MDFIC2: variants seen among roughly 807,000 people sequenced by gnomAD.
MDFIC2 encodes the protein myoD family inhibitor domain-containing protein 2.
At chr3:70,288,438 T>G (rs1431780369) in intron 2 of MDFIC2, among the ~76,000 whole-genome samples, 2 of 151,142 alleles carry the variant, frequency 1.3e-5, no homozygotes, top group African/African-American at 2.4e-5. Context: ...TTGTTATAAT[T>G]TCTGTTCTTT....
chr3:70,224,811 A>G (rs1701488975), intron 2 of MDFIC2, among the ~76,000 whole-genome samples: 1 of 152,036 alleles, frequency 6.6e-6, no homozygotes, highest in African/African-American at 2.4e-5. Context: ...ATATCACTGT[A>G]ATTTTTGCAG....
intron 3 of MDFIC2, among the ~76,000 whole-genome samples, chr3:70,199,698 C>G (rs1323663650): frequency 6.6e-6 from 1 of 152,156 alleles, no homozygotes; most frequent in Non-Finnish European, 1.5e-5. Context: ...AAATTTGCAA[C>G]TGTTTGAAAA....
intron 2 of MDFIC2, among the ~76,000 whole-genome samples, chr3:70,238,395 G>T (rs968835139): frequency 1.3e-5 from 2 of 151,932 alleles, no homozygotes; most frequent in South Asian, 2.1e-4. Flanking sequence ...GATCATTTGA[G>T]CCCAGGAGTT....
At chr3:70,279,876 T>C (rs572008255) in intron 2 of MDFIC2, among the ~76,000 whole-genome samples, 11 of 152,198 alleles carry the variant, frequency 7.2e-5, no homozygotes, top group Non-Finnish European at 1.3e-4. Context: ...TGTCATATCC[T>C]GGTTCTTTGT....
intron 2 of MDFIC2, among the ~76,000 whole-genome samples, chr3:70,220,673 C>T (rs999641209): frequency 2.0e-5 from 3 of 152,056 alleles, no homozygotes; most frequent in South Asian, 2.1e-4. Context: ...TATGAGGAAA[C>T]CTTCAACAAT....
At chr3:70,197,653 C>T (rs1701195332) in intron 3 of MDFIC2, among the ~76,000 whole-genome samples, 1 of 152,190 alleles carries the variant, frequency 6.6e-6, no homozygotes, top group African/African-American at 2.4e-5. Flanking sequence ...CATGGATTCC[C>T]ATAAATCTGC....
At chr3:70,276,998 C>G (rs749846205) in intron 2 of MDFIC2, among the ~76,000 whole-genome samples, 1 of 151,956 alleles carries the variant, frequency 6.6e-6, no homozygotes, top group Admixed American at 6.6e-5. Context: ...TTAAGGAACT[C>G]TTCACACACA....
chr3:70,211,239 C>G (rs1471748067), intron 2 of MDFIC2, among the ~76,000 whole-genome samples: 1 of 147,544 alleles, frequency 6.8e-6, no homozygotes, highest in Non-Finnish European at 1.5e-5. Context: ...TCCCTTTTTC[C>G]TTTTCCTTCC....
intron 2 of MDFIC2, among the ~76,000 whole-genome samples, chr3:70,273,950 C>T (rs1701997741): frequency 1.3e-5 from 2 of 152,014 alleles, no homozygotes; most frequent in South Asian, 4.2e-4. Context: ...GCACACAGCA[C>T]TGCACCCGGC....
intron 2 of MDFIC2, among the ~76,000 whole-genome samples, chr3:70,296,085 A>G (rs1033113287): frequency 1.3e-5 from 2 of 152,224 alleles, no homozygotes; most frequent in Non-Finnish European, 2.9e-5. Flanking sequence ...AATTCATTCA[A>G]TGCAGCAGCA....
At chr3:70,307,777 C>T (rs541067955) in intron 2 of MDFIC2, among the ~76,000 whole-genome samples, 1 of 152,304 alleles carries the variant, frequency 6.6e-6, no homozygotes, top group South Asian at 2.1e-4. Flanking sequence ...CTCAGGCCTC[C>T]AGTGACAACA....
At chr3:70,205,021 A>G (rs1281384155) in intron 3 of MDFIC2, 3 of 152,164 alleles carry the variant, frequency 2.0e-5, no homozygotes, top group Non-Finnish European at 2.9e-5. Context: ...TACCAAAGCT[A>G]GAGACTTGAG....
intron 2 of MDFIC2, among the ~76,000 whole-genome samples, chr3:70,264,821 A>G (rs1334771442): frequency 6.6e-6 from 1 of 152,206 alleles, no homozygotes; most frequent in Non-Finnish European, 1.5e-5. Flanking sequence ...GTGTAGGGAC[A>G]TCGGGGATGT....
At chr3:70,226,831 T>A (rs1046589547) in intron 2 of MDFIC2, among the ~76,000 whole-genome samples, 3 of 151,070 alleles carry the variant, frequency 2.0e-5, no homozygotes, top group Admixed American at 2.0e-4. Flanking sequence ...AATATGGAAG[T>A]GTAAAAAAAA....
chr3:70,296,303 A>G (rs1185405969), intron 2 of MDFIC2, among the ~76,000 whole-genome samples: 37 of 152,052 alleles, frequency 2.4e-4, no homozygotes, highest in Admixed American at 2.4e-3. Context: ...CCCTTTCCAA[A>G]TCAGTTTATT....
Position 70,194,703 on chromosome 3 carries a change from C to T in MDFIC2, c.*2223G>A, listed in dbSNP as rs1701159096. Among the ~76,000 whole-genome samples, 1 of 152,152 alleles carries T rather than the reference C, an allele frequency of 6.6e-6. No homozygotes were observed. The highest frequency in any genetic ancestry group is 6.5e-5 in the Admixed American group (1 of 15,274). On this transcript the variant is annotated 3_prime_UTR_variant, in exon 4 of 4. Transcript: ENST00000567252. ...CTCTAATTGACAAGCATTCAATTCA[C>T]ATTTGAAATGCACAATCTTTGCATA...
chr3:70,233,104 G>A (rs962843376), intron 2 of MDFIC2, among the ~76,000 whole-genome samples: 1 of 152,118 alleles, frequency 6.6e-6, no homozygotes, highest in Non-Finnish European at 1.5e-5. Context: ...CACAAGAATC[G>A]CTTAAACCTG....
chr3:70,296,459 C>T (rs1016487424), intron 2 of MDFIC2, among the ~76,000 whole-genome samples: 4 of 152,092 alleles, frequency 2.6e-5, no homozygotes, highest in African/African-American at 9.7e-5. Context: ...TAGAACCCAT[C>T]ACCTCTCACA....
At chr3:70,287,322 G>T (rs1223884536) in intron 2 of MDFIC2, among the ~76,000 whole-genome samples, 3 of 145,298 alleles carry the variant, frequency 2.1e-5, no homozygotes, top group Non-Finnish European at 4.5e-5. Flanking sequence ...TAATCATGTG[G>T]TTTTTGTCTT....
Sources: gnomAD v4.1 joint callset for allele counts (sites outside exome capture counted in the v4.1 genomes callset) on GRCh38, gnomAD v4.1.1 for gene constraint, MANE v1.5 for transcripts, NCBI Gene and HGNC (gene_info 2026-07-23, HGNC 2026-07-21) for gene names.